MAP4: variants seen among roughly 807,000 people sequenced by gnomAD.
MAP4 encodes the protein microtubule associated protein 4.
Under a neutral mutation model 170.2 loss-of-function variants are expected in MAP4, and 76 were observed. That is an observed-to-expected ratio of 0.45 (90% CI 0.37 to 0.54). The LOEUF (loss-of-function observed/expected upper bound fraction) is 0.54. MAP4 is among the 20% of genes least tolerant of loss of function. The probability of loss-of-function intolerance (pLI) is 0.00; values close to 1 mark genes in which losing one functional copy is unlikely to be tolerated. For synonymous variants in MAP4, 909 were observed against 994.5 expected (o/e 0.91, Z 1.62); for missense variants, 2,506 against 2,748.0 (o/e 0.91, Z 1.97).
At chr3:47,925,013 T>C (rs924506936) in intron 4 of MAP4, among the ~76,000 whole-genome samples, 1 of 152,160 alleles carries the variant, frequency 6.6e-6, no homozygotes, top group Non-Finnish European at 1.5e-5. Flanking sequence ...GGTTTCACCA[T>C]GTTGGCCAGG....
At chr3:47,858,586 G>GGTGTGTGTGTGTGTGTGTGT (rs59208724) in intron 17 of MAP4, among the ~76,000 whole-genome samples, 2 of 145,180 alleles carry the variant, frequency 1.4e-5, no homozygotes, top group African/African-American at 5.2e-5. Flanking sequence ...GTGAGGGGGT[G>GGTGTGTGTGTGTGTGTGTGT]GTGTGTGTGT....
intron 1 of MAP4, among the ~76,000 whole-genome samples, chr3:48,007,304 A>G (rs62260785): frequency 0.045 from 6,813 of 152,298 alleles, 218 homozygotes; most frequent in Non-Finnish European, 0.069. Flanking sequence ...AAGTTAAAGG[A>G]TAAGTTGTTG....
At chr3:47,937,649 T>C (rs2100053722) in intron 3 of MAP4, among the ~76,000 whole-genome samples, 1 of 145,656 alleles carries the variant, frequency 6.9e-6, no homozygotes, top group Non-Finnish European at 1.5e-5. Context: ...TTTTCCTTTT[T>C]CTTCTTCTTT....
At chr3:47,907,495 A>G (rs1030862593) in intron 9 of MAP4, among the ~76,000 whole-genome samples, 11 of 152,142 alleles carry the variant, frequency 7.2e-5, no homozygotes, top group Non-Finnish European at 1.5e-4. Flanking sequence ...AGAAACAATA[A>G]ATTTTGTCCC....
intron 1 of MAP4, among the ~76,000 whole-genome samples, chr3:48,010,695 A>G (rs1480749886): frequency 6.6e-6 from 1 of 152,116 alleles, no homozygotes; most frequent in African/African-American, 2.4e-5. Context: ...GGGTGTTGCC[A>G]AAGGAGATTA....
intron 2 of MAP4, among the ~76,000 whole-genome samples, chr3:47,978,482 T>C (rs766076772): frequency 9.9e-5 from 15 of 152,096 alleles, no homozygotes; most frequent in Non-Finnish European, 1.6e-4. Flanking sequence ...CATGACCAGC[T>C]AATTTTTGTA....
At chr3:47,891,936 G>T in intron 10 of MAP4, 1 of 1,536,102 alleles carries the variant, frequency 6.5e-7, no homozygotes, top group Non-Finnish European at 8.7e-7. Context: ...TGAAAGCTGG[G>T]GTTCCAAACA....
chr3:48,019,690 G>C (rs2100109614), upstream of MAP4, among the ~76,000 whole-genome samples: 1 of 152,158 alleles, frequency 6.6e-6, no homozygotes, highest in South Asian at 2.1e-4. Flanking sequence ...TACAAGACCA[G>C]CCTGGGCAAC....
At chr3:48,054,730 A>G (rs909898783) in intron 1 of MAP4, among the ~76,000 whole-genome samples, 1 of 147,546 alleles carries the variant, frequency 6.8e-6, no homozygotes, top group African/African-American at 2.5e-5. Context: ...ATCACTTGAA[A>G]CCTGAAAGCA....
At chr3:47,885,689 A>G (rs972329261) in intron 10 of MAP4, among the ~76,000 whole-genome samples, 2 of 151,170 alleles carry the variant, frequency 1.3e-5, no homozygotes, top group Admixed American at 6.6e-5. Flanking sequence ...ATGGGGAAAA[A>G]CCATAGCCAA....
upstream of MAP4, among the ~76,000 whole-genome samples, chr3:48,018,878 T>A (rs1169300228): frequency 6.6e-6 from 1 of 152,188 alleles, no homozygotes; most frequent in South Asian, 2.1e-4. Context: ...AGAGCAAGCA[T>A]GTTGTCTGGA....
chr3:48,083,827 AG>A (rs1579918284), intron 1 of MAP4, among the ~76,000 whole-genome samples: 1 of 151,158 alleles, frequency 6.6e-6, no homozygotes, highest in Admixed American at 6.6e-5. Flanking sequence ...CCCAGATTCA[AG>A]TGATTCTCCT....
intron 1 of MAP4, among the ~76,000 whole-genome samples, chr3:48,058,930 C>G (rs1478759127): frequency 1.3e-5 from 2 of 152,098 alleles, no homozygotes. Flanking sequence ...CAGGCGTGCA[C>G]CACCACGCCC....
intron 12 of MAP4, among the ~76,000 whole-genome samples, chr3:47,872,935 C>G (rs973041442): frequency 6.6e-6 from 1 of 152,200 alleles, no homozygotes; most frequent in Non-Finnish European, 1.5e-5. Context: ...GAATGCTGAA[C>G]AGGACTGAGC....
intron 1 of MAP4, among the ~76,000 whole-genome samples, chr3:48,077,019 C>T (rs2100144279): frequency 6.6e-6 from 1 of 152,064 alleles, no homozygotes; most frequent in African/African-American, 2.4e-5. Flanking sequence ...TGGTGGCACA[C>T]ACCTACAATG....
chr3:47,946,238 C>A (rs565525417), intron 3 of MAP4, among the ~76,000 whole-genome samples: 1 of 151,530 alleles, frequency 6.6e-6, no homozygotes, highest in Admixed American at 6.6e-5. Context: ...CCACCACACC[C>A]GGCCCCATAA....
intron 2 of MAP4, among the ~76,000 whole-genome samples, chr3:47,990,106 C>T (rs1190560956): frequency 2.6e-5 from 4 of 152,166 alleles, no homozygotes; most frequent in Admixed American, 2.6e-4. Flanking sequence ...GCAAGGGAAC[C>T]CTCTGGTGCT....
intron 14 of MAP4, 34 bp from the exon 15 acceptor site, chr3:47,871,139 C>G (rs1232786847): frequency 6.2e-7 from 1 of 1,610,786 alleles, no homozygotes; most frequent in South Asian, 1.1e-5. Context: ...AACACGGGTT[C>G]AGGGAGAGAG....
At chr3:47,920,263 A>T (rs1473676954) in intron 5 of MAP4, among the ~76,000 whole-genome samples, 1 of 146,350 alleles carries the variant, frequency 6.8e-6, no homozygotes, top group Non-Finnish European at 1.5e-5. Context: ...GAGCCACCAC[A>T]CTCGGCCTAA....
Sources: allele counts gnomAD v4.1 joint callset (sites outside exome capture counted in the v4.1 genomes callset), GRCh38; gene constraint gnomAD v4.1.1; transcripts MANE v1.5; gene names NCBI Gene and HGNC (gene_info 2026-07-23, HGNC 2026-07-21).